The following PPM1B variants were observed in gnomAD, a reference collection of about 807,000 sequenced individuals.
PPM1B encodes protein phosphatase 1B.
PPM1B carries 22 observed loss-of-function variants against 43.0 expected under a neutral mutation model. The observed-to-expected ratio is 0.51, with a 90% confidence interval of 0.37 to 0.73. The LOEUF (loss-of-function observed/expected upper bound fraction) is 0.73. Ranked by LOEUF, PPM1B falls within the 30% of genes least tolerant of loss-of-function variation. The pLI is 0.00. For missense variants in PPM1B, 632 were observed against 584.2 expected, an observed-to-expected ratio of 1.08 and a Z score of -0.84; for synonymous variants, 217 against 197.9, an observed-to-expected ratio of 1.10 and a Z score of -0.81.
intron 1 of PPM1B, among the ~76,000 whole-genome samples, chr2:44,194,898 C>CTTTT (rs796213050): frequency 4.1e-5 from 5 of 123,260 alleles, no homozygotes; most frequent in Admixed American, 8.4e-5. Flanking sequence ...CAGTCTTTTG[C>CTTTT]TTTTTTTTTT....
chr2:44,233,875 C>A (rs546356177), downstream of PPM1B: 5 of 985,440 alleles, frequency 5.1e-6, no homozygotes, highest in African/African-American at 8.7e-5. Context: ...AGCTGTTTGT[C>A]CCTTTACTGG....
rs1230655442 is a variant in PPM1B at position 44,201,808 on chromosome 2, G to C, written c.609G>C (p.Gly203=). ...NGSLAVSRAL[G]DYDYKCVDGK... ...CATTAGCAGTATCTCGTGCTCTGGG[G>C]GACTATGATTACAAGTGTGTTGATG... The change falls in exon 2 of 6, where the codon GGG becomes GGC. Residue 203 remains glycine, a synonymous_variant. Transcript: ENST00000282412. The surrounding 1 kb of genome is among the most constrained non-coding windows in gnomAD (Gnocchi z 5.4). 6.2e-7 allele frequency: 1 copy of C among 1,614,146 alleles called. No homozygotes were observed. Among genetic ancestry groups the C allele is most frequent in the Non-Finnish European group, 8.5e-7 (1 of 1,180,014 alleles).
intron 1 of PPM1B, among the ~76,000 whole-genome samples, chr2:44,182,913 G>C (rs1667951287): frequency 6.6e-6 from 1 of 152,140 alleles, no homozygotes; most frequent in Non-Finnish European, 1.5e-5. Context: ...ATTTATTTCA[G>C]AGTTTATGGG....
At chr2:44,235,605 A>AT (rs1670587577), downstream of PPM1B, among the ~76,000 whole-genome samples, 1 of 35,222 alleles carries the variant, frequency 2.8e-5, no homozygotes, top group South Asian at 9.3e-4. Context: ...TTCCATCTCA[A>AT]AAAAAAAAAA....
At chr2:44,235,495 C>T (rs1004453687), downstream of PPM1B, among the ~76,000 whole-genome samples, 2 of 149,516 alleles carry the variant, frequency 1.3e-5, no homozygotes, top group African/African-American at 5.0e-5. Flanking sequence ...CCCAGCTACT[C>T]GGGAGGCTGA....
chr2:44,194,613 C>T (rs925260407), intron 1 of PPM1B, among the ~76,000 whole-genome samples: 8 of 152,012 alleles, frequency 5.3e-5, no homozygotes, highest in Non-Finnish European at 1.2e-4. Flanking sequence ...GTCCCAGCTA[C>T]TTGGGAGGCT....
At chr2:44,176,344 G>A (rs2104000148) in intron 1 of PPM1B, among the ~76,000 whole-genome samples, 1 of 152,314 alleles carries the variant, frequency 6.6e-6, no homozygotes, top group African/African-American at 2.4e-5. Context: ...GTTCTTACGT[G>A]AGTATAGCTG....
chr2:44,232,922 GT>G, downstream of PPM1B: 1 of 977,030 alleles, frequency 1.0e-6, no homozygotes, highest in Non-Finnish European at 1.2e-6. Flanking sequence ...TGTCCAAATT[GT>G]AATGTTGCCT....
chr2:44,187,489 C>T (rs903173426), intron 1 of PPM1B, among the ~76,000 whole-genome samples: 1 of 152,052 alleles, frequency 6.6e-6, no homozygotes, highest in Non-Finnish European at 1.5e-5. Flanking sequence ...TTTGAAGAAG[C>T]GCCATACTGC....
chr2:44,234,903 A>G (rs1670569984), downstream of PPM1B, among the ~76,000 whole-genome samples: 1 of 152,162 alleles, frequency 6.6e-6, no homozygotes, highest in African/African-American at 2.4e-5. Context: ...ACCATTTTTC[A>G]TTTTTGTGAG....
intron 1 of PPM1B, among the ~76,000 whole-genome samples, chr2:44,178,625 C>T (rs1312109843): frequency 6.6e-6 from 1 of 151,884 alleles, no homozygotes; most frequent in Non-Finnish European, 1.5e-5. Flanking sequence ...CCTGCCACCA[C>T]ACCCAGCTAA....
chr2:44,195,112 C>G (rs147458097), intron 1 of PPM1B, among the ~76,000 whole-genome samples: 1,726 of 151,922 alleles, frequency 0.011, 29 homozygotes, highest in African/African-American at 0.04. Flanking sequence ...AGGCTGATCT[C>G]AAACTCCTGA....
intron 1 of PPM1B, among the ~76,000 whole-genome samples, chr2:44,169,490 G>T (rs901520749): frequency 1.3e-5 from 2 of 152,230 alleles, no homozygotes; most frequent in Non-Finnish European, 2.9e-5. Context: ...CGCCGCCTCC[G>T]CTGGGCTGAG....
downstream of PPM1B, among the ~76,000 whole-genome samples, chr2:44,238,720 A>G (rs1018868646): frequency 2.0e-5 from 3 of 152,024 alleles, no homozygotes; most frequent in Non-Finnish European, 4.4e-5. Context: ...GAAAAAAAAA[A>G]ACATTTTAGG....
chr2:44,209,481 GATT>G, intron 3 of PPM1B, 154 bp downstream of exon 3: 7 of 913,686 alleles, frequency 7.7e-6, no homozygotes, highest in Non-Finnish European at 1.1e-5. Context: ...TTTATCAAAT[GATT>G]ATTTTAAAAT....
chr2:44,224,924 G>A (rs374012322), intron 5 of PPM1B, among the ~76,000 whole-genome samples: 34 of 152,232 alleles, frequency 2.2e-4, no homozygotes, highest in African/African-American at 7.5e-4. Context: ...TTTAGTAAGA[G>A]TCTTACCTGT....
At chr2:44,174,739 G>A (rs2103994797) in intron 1 of PPM1B, among the ~76,000 whole-genome samples, 1 of 152,228 alleles carries the variant, frequency 6.6e-6, no homozygotes, top group South Asian at 2.1e-4. Context: ...AAATCTAATC[G>A]CATTTTATTT....
chr2:44,214,267 G>C (rs1475118063), intron 3 of PPM1B, among the ~76,000 whole-genome samples: 1 of 152,090 alleles, frequency 6.6e-6, no homozygotes. Context: ...TTTTAGTAGA[G>C]ATGGGGTTTC....
chr2:44,191,174 T>C (rs957726112), intron 1 of PPM1B, among the ~76,000 whole-genome samples: 8 of 152,216 alleles, frequency 5.3e-5, no homozygotes, highest in Non-Finnish European at 7.3e-5. Flanking sequence ...CACATATTCA[T>C]GTATGTAAAC....
Sources: allele counts gnomAD v4.1 joint callset (sites outside exome capture counted in the v4.1 genomes callset), GRCh38; gene constraint gnomAD v4.1.1; non-coding constraint Gnocchi (gnomAD v3.1); transcripts MANE v1.5; gene names NCBI Gene and HGNC (gene_info 2026-07-23, HGNC 2026-07-21).